Variants in WNT2 observed in about 807,000 individuals in gnomAD.
WNT2 encodes the protein Wnt family member 2.
A neutral mutation model predicts 36.9 loss-of-function variants in WNT2; 12 were observed. The ratio of observed to expected loss-of-function variants is 0.33; its 90% CI spans 0.21 to 0.53. The LOEUF (loss-of-function observed/expected upper bound fraction) is 0.53. WNT2 is among the 20% of genes least tolerant of loss of function. WNT2 has a pLI of 0.95. For missense variants in WNT2, 379 were observed against 473.1 expected, an observed-to-expected ratio of 0.80 and a Z score of 1.84; for synonymous variants, 163 against 174.6, an observed-to-expected ratio of 0.93 and a Z score of 0.52.
chr7:117,304,897 T>C lies in WNT2; in HGVS notation c.589-7021A>G, dbSNP rs115256005. On this transcript the variant is annotated intron_variant, in intron 3 of 4. Coordinates refer to ENST00000265441, the MANE Select transcript of WNT2 (RefSeq NM_003391.3). Reference sequence around the variant, plus strand: ...ACAGTCCTGGCTCTTTCCACCCCCTTACTCATGTCTACCCAGAGGAAGATA... The same window carrying C: ...ACAGTCCTGGCTCTTTCCACCCCCTCACTCATGTCTACCCAGAGGAAGATA... Among the ~76,000 whole-genome samples, 1,117 of 152,308 alleles carry C rather than the reference T, an allele frequency of 7.3e-3. 16 individuals carry two copies. Among genetic ancestry groups the C allele is most frequent in the African/African-American group, 0.026 (1,068 of 41,564 alleles).
intron 2 of WNT2, among the ~76,000 whole-genome samples, chr7:117,318,197 CTA>C (rs1196896981): frequency 6.6e-6 from 1 of 152,210 alleles, no homozygotes; most frequent in African/African-American, 2.4e-5. Flanking sequence ...TCCTATTCAT[CTA>C]TGAGCATATT....
intron 3 of WNT2, among the ~76,000 whole-genome samples, chr7:117,300,311 C>CG (rs1335768129): frequency 6.6e-6 from 1 of 152,128 alleles, no homozygotes; most frequent in Non-Finnish European, 1.5e-5. Flanking sequence ...CTCAGCCTCC[C>CG]GAATAGCTGG....
rs58179910 is a variant in WNT2, at chr7:117,292,293, TCACA to T, written c.853+5315_853+5318del. ...ACACAGGACCTACTCCCAACCACACTCACACACACACACACACACACACACTGGG... is the reference window on the plus strand; with the variant it reads ...ACACAGGACCTACTCCCAACCACACTCACACACACACACACACACACTGGG... On this transcript the variant is annotated intron_variant, in intron 4 of 4. Coordinates refer to ENST00000265441, the MANE Select transcript of WNT2 (RefSeq NM_003391.3). Among the ~76,000 whole-genome samples the T allele has an allele frequency of 7.3e-3, 1,076 of 147,004 alleles. 14 individuals carry two copies. The highest frequency in any genetic ancestry group is 0.025 in the African/African-American group (1,017 of 40,344).
At chr7:117,291,625 C>T (rs1423714850) in intron 4 of WNT2, among the ~76,000 whole-genome samples, 6 of 152,286 alleles carry the variant, frequency 3.9e-5, no homozygotes, top group South Asian at 2.1e-4. Flanking sequence ...CACGGTTGTA[C>T]GTACTCTTCA....
rs1434196077 is a variant in WNT2, at chr7:117,290,454, G to A, written c.853+7158C>T. Among the ~76,000 whole-genome samples, 3 of 152,210 alleles carry A rather than the reference G, an allele frequency of 2.0e-5. No individual in the cohort carries two copies. In the East Asian group the frequency reaches 5.8e-4, roughly 29 times the overall value. ...GATAGTAATTACTACTAATTCTAGA[G>A]TATAATCAATAACTACCCATGAAAA... On this transcript the variant is annotated intron_variant, in intron 4 of 4. Transcript: ENST00000265441.
rs118025938 is a variant in WNT2, at chr7:117,322,419, A to T, written c.83+488T>A. On this transcript the variant is annotated intron_variant, in intron 1 of 4. Transcript: ENST00000265441. This position sits in a 1 kb window ranked among gnomAD's most constrained non-coding sequence, Gnocchi z 5.4. ...AGGACGGGAAATAATACAAAGTCAC[A>T]CGCTTTAGGTTCTACAACTCCTGAC... Among the ~76,000 whole-genome samples the T allele has an allele frequency of 5.9e-3, 888 of 150,118 alleles. 6 individuals are homozygous for T. The highest frequency in any genetic ancestry group is 0.027 in the Middle Eastern group (8 of 294).
chr7:117,282,340 G>A (rs1322861704), intron 4 of WNT2, among the ~76,000 whole-genome samples: 1 of 151,942 alleles, frequency 6.6e-6, no homozygotes, highest in African/African-American at 2.4e-5. Context: ...GAAGGTGGTA[G>A]AGGAAGAGGA....
intron 4 of WNT2, among the ~76,000 whole-genome samples, chr7:117,292,803 A>T (rs17540759): frequency 0.025 from 3,761 of 152,194 alleles, 62 homozygotes; most frequent in Non-Finnish European, 0.041. Flanking sequence ...TTTTTGGGAG[A>T]TGTTTATTTA....
Position 117,275,890 on chromosome 7 carries a change from T to A in WNT2, c.*2265A>T, listed in dbSNP as rs1584671030. ...ATTTATGTAGGTTCCTACGTGGATA[T>A]CCTTGTCCCCTTGCTACTTACCAGG... On this transcript the variant is annotated 3_prime_UTR_variant, in exon 5 of 5. Coordinates refer to ENST00000265441, the MANE Select transcript of WNT2 (RefSeq NM_003391.3). Among the ~76,000 whole-genome samples, 1 of 152,352 alleles carries A rather than the reference T, an allele frequency of 6.6e-6. No homozygotes were observed. The highest frequency in any genetic ancestry group is 1.9e-4 in the East Asian group (1 of 5,190).
rs1795193925 is a variant in WNT2 at position 117,315,221 on chromosome 7, C to T, written c.438G>A (p.Lys146=). The T allele has an allele frequency of 1.2e-6, 2 of 1,614,194 alleles. No individual in the cohort carries two copies. Among genetic ancestry groups the T allele is most frequent in the South Asian group, 1.1e-5 (1 of 91,074 alleles). ...CCCAATCAAAAATGCCTTTGCTGTC[C>T]TTGGCGCTTCCCATCTTCTTTGGAT... ...SCDPKKMGSA[K]DSKGIFDWGG... The change falls in exon 3 of 5, where the codon AAG becomes AAA. Residue 146 remains lysine (K), a synonymous_variant. Coordinates refer to ENST00000265441, the MANE Select transcript of WNT2 (RefSeq NM_003391.3).
chr7:117,296,471 G>A, intron 4 of WNT2, among the ~76,000 whole-genome samples: 1 of 152,028 alleles, frequency 6.6e-6, no homozygotes, highest in East Asian at 1.9e-4. Flanking sequence ...TTTTATTGGT[G>A]CCTCTGCAAT....
At chr7:117,287,097 C>T (rs1027025432) in intron 4 of WNT2, among the ~76,000 whole-genome samples, 12 of 152,274 alleles carry the variant, frequency 7.9e-5, no homozygotes, top group Admixed American at 5.2e-4. Context: ...ACCTGTAATC[C>T]CAGCACTTTG....
chr7:117,309,011 C>G (rs1223025565), intron 3 of WNT2, among the ~76,000 whole-genome samples: 1 of 151,010 alleles, frequency 6.6e-6, no homozygotes, highest in Non-Finnish European at 1.5e-5. Context: ...TAGTAAGACC[C>G]TGTCTCTATG....
intron 4 of WNT2, among the ~76,000 whole-genome samples, chr7:117,293,811 C>G (rs1244493495): frequency 2.0e-5 from 3 of 152,032 alleles, no homozygotes; most frequent in Non-Finnish European, 4.4e-5. Context: ...CCAGTGCAGA[C>G]TGAGAAGATG....
intron 3 of WNT2, among the ~76,000 whole-genome samples, chr7:117,314,336 C>T (rs1795174647): frequency 2.0e-5 from 3 of 152,184 alleles, no homozygotes; most frequent in Admixed American, 2.0e-4. Flanking sequence ...GGGTAAAGCA[C>T]CCCTGGACTA....
intron 4 of WNT2, among the ~76,000 whole-genome samples, chr7:117,292,293 T>TCACACACA (rs58179910): frequency 1.2e-4 from 18 of 146,950 alleles, no homozygotes; most frequent in Admixed American, 6.1e-4. Context: ...CCAACCACAC[T>TCACACACA]CACACACACA....
chr7:117,302,760 C>T (rs1427489371), intron 3 of WNT2, among the ~76,000 whole-genome samples: 1 of 152,130 alleles, frequency 6.6e-6, no homozygotes, highest in Non-Finnish European at 1.5e-5. Flanking sequence ...GTCAGTCTTA[C>T]AGGCAGGAAA....
rs189220492 is a variant in WNT2 at position 117,275,637 on chromosome 7, T to C, written c.*2518A>G. On this transcript the variant is annotated 3_prime_UTR_variant, in exon 5 of 5. Transcript: ENST00000265441. The stretch of plus-strand genomic sequence containing the variant: ...TAAAAGCCTCAGATAATTGAGAGTT[T>C]CAGTGTATTTCAGGTTCCTGGAATA... 1.3e-5 allele frequency among the ~76,000 whole-genome samples: 2 copies of C among 152,324 alleles called. No individual in the cohort carries two copies. The highest frequency in any genetic ancestry group is 1.3e-4 in the Admixed American group (2 of 15,310).
chr7:117,291,290 G>A (rs1039106828), intron 4 of WNT2, among the ~76,000 whole-genome samples: 5 of 152,210 alleles, frequency 3.3e-5, no homozygotes, highest in African/African-American at 1.2e-4. Context: ...GAACTTGACT[G>A]GAGAAGAGGT....
Sources: gnomAD v4.1 joint callset for allele counts (sites outside exome capture counted in the v4.1 genomes callset) on GRCh38, gnomAD v4.1.1 for gene constraint, Gnocchi (gnomAD v3.1) non-coding constraint, MANE v1.5 for transcripts, NCBI Gene and HGNC (gene_info 2026-07-23, HGNC 2026-07-21) for gene names.